SLC7A14: variants seen among roughly 807,000 people sequenced by gnomAD.
The protein encoded by SLC7A14 is solute carrier family 7 member 14.
SLC7A14 carries 37 observed loss-of-function variants against 60.2 expected under a neutral mutation model. That is an observed-to-expected ratio of 0.61 (90% confidence interval 0.47 to 0.81). The LOEUF is 0.81. Ranked by LOEUF, SLC7A14 falls within the 30% of genes least tolerant of loss-of-function variation. SLC7A14 has a pLI of 0.00. For synonymous variants in SLC7A14, 399 were observed against 395.8 expected, an observed-to-expected ratio of 1.01 and a Z score of -0.10; for missense variants, 886 against 982.7, an observed-to-expected ratio of 0.90 and a Z score of 1.32.
chr3:170,496,201 A>G (rs1435140865), intron 4 of SLC7A14: 10 of 912,786 alleles, frequency 1.1e-5, no homozygotes, highest in Non-Finnish European at 1.8e-5. Context: ...CTGGACATGG[A>G]CAGCATCATC....
At chr3:170,488,153 A>G (rs1029153215) in intron 4 of SLC7A14, among the ~76,000 whole-genome samples, 4 of 152,234 alleles carry the variant, frequency 2.6e-5, no homozygotes, top group Non-Finnish European at 5.9e-5. Flanking sequence ...CTATTCATTT[A>G]AAATCACAAT....
At chr3:170,533,083 C>T (rs1243018793) in intron 1 of SLC7A14, among the ~76,000 whole-genome samples, 1 of 152,174 alleles carries the variant, frequency 6.6e-6, no homozygotes, top group Non-Finnish European at 1.5e-5. Flanking sequence ...AACATGATCC[C>T]CTTCTGACTT....
chr3:170,539,151 G>A (rs1441850805), intron 1 of SLC7A14, among the ~76,000 whole-genome samples: 1 of 95,798 alleles, frequency 1.0e-5, no homozygotes, highest in Non-Finnish European at 2.0e-5. Flanking sequence ...CTTCATCTCC[G>A]AGTTCATCTC....
intron 1 of SLC7A14, among the ~76,000 whole-genome samples, chr3:170,538,448 C>T (rs1019367357): frequency 1.2e-4 from 19 of 152,214 alleles, no homozygotes; most frequent in African/African-American, 4.3e-4. Flanking sequence ...TCAGATAATT[C>T]CAACTAGACC....
intron 2 of SLC7A14, among the ~76,000 whole-genome samples, chr3:170,521,887 C>T (rs1050954893): frequency 6.6e-6 from 1 of 151,644 alleles, no homozygotes; most frequent in Non-Finnish European, 1.5e-5. Flanking sequence ...TGCCATTGCA[C>T]ACCAGCCTGG....
chr3:170,577,933 CACA>C (rs1250048758), intron 1 of SLC7A14, among the ~76,000 whole-genome samples: 1 of 152,170 alleles, frequency 6.6e-6, no homozygotes, highest in African/African-American at 2.4e-5. Flanking sequence ...AAACGATTTT[CACA>C]ACATGATTTT....
chr3:170,508,609 A>T (rs934712347), intron 2 of SLC7A14, among the ~76,000 whole-genome samples: 1 of 152,232 alleles, frequency 6.6e-6, no homozygotes, highest in Non-Finnish European at 1.5e-5. Context: ...TACGCTGGTG[A>T]AATTCACTAC....
intron 1 of SLC7A14, among the ~76,000 whole-genome samples, chr3:170,553,786 G>C (rs1438886584): frequency 6.6e-6 from 1 of 152,094 alleles, no homozygotes; most frequent in East Asian, 1.9e-4. Context: ...ATTGGAACTA[G>C]AGTCAACCAT....
At chr3:170,501,367 AG>A in intron 2 of SLC7A14, 22 bp from the exon 3 acceptor site, 4 of 1,602,300 alleles carry the variant, frequency 2.5e-6, no homozygotes, top group Non-Finnish European at 3.4e-6. Flanking sequence ...AGACATACAC[AG>A]ATGGTGGACT....
intron 4 of SLC7A14, 98 bp from the exon 5 acceptor site, chr3:170,486,466 C>T (rs892416774): frequency 3.4e-6 from 5 of 1,467,360 alleles, no homozygotes; most frequent in African/African-American, 1.4e-5. Context: ...GCAGACATGA[C>T]TGAGTGGCTG....
At chr3:170,528,107 AG>A (rs1713565085) in intron 1 of SLC7A14, among the ~76,000 whole-genome samples, 2 of 152,178 alleles carry the variant, frequency 1.3e-5, no homozygotes, top group East Asian at 3.8e-4. Context: ...TTTTTCACAT[AG>A]TGCAAGCATT....
chr3:170,559,103 A>G (rs1714568448), intron 1 of SLC7A14, among the ~76,000 whole-genome samples: 1 of 152,212 alleles, frequency 6.6e-6, no homozygotes, highest in Admixed American at 6.5e-5. Context: ...CCACAAAATT[A>G]TTACTTAATA....
chr3:170,497,572 C>A (rs868565446), intron 4 of SLC7A14, among the ~76,000 whole-genome samples: 1 of 152,234 alleles, frequency 6.6e-6, no homozygotes, highest in African/African-American at 2.4e-5. Context: ...GTCATCAGTT[C>A]TAGGCAGACT....
chr3:170,582,258 G>T (rs1313621854), intron 1 of SLC7A14, among the ~76,000 whole-genome samples: 3 of 152,190 alleles, frequency 2.0e-5, no homozygotes, highest in Non-Finnish European at 2.9e-5. Context: ...CCTAGTTCTT[G>T]GTTGCTGTGA....
intron 7 of SLC7A14, among the ~76,000 whole-genome samples, chr3:170,468,121 G>A (rs1270382192): frequency 6.6e-6 from 1 of 152,146 alleles, no homozygotes; most frequent in African/African-American, 2.4e-5. Context: ...GAATGAATGG[G>A]TGAGAACTCC....
At position 170,585,332 on chromosome 3, in the gene SLC7A14, C is replaced by T. The variant is rs555513481; in HGVS notation, c.-153+579G>A. Among the ~76,000 whole-genome samples the T allele has an allele frequency of 8.2e-4, 125 of 152,302 alleles. No homozygotes were observed. Among genetic ancestry groups the T allele is most frequent in the African/African-American group, 2.8e-3 (115 of 41,578 alleles). ...GGACAGACGCCCCTCGGGGCGCCAC[C>T]ATCCTGGTCGGGGTGCTGGGCTCGG... On this transcript the variant is annotated intron_variant, in intron 1 of 7. Coordinates refer to ENST00000231706, the MANE Select transcript of SLC7A14 (RefSeq NM_020949.3). This position sits in a 1 kb window ranked among gnomAD's most constrained non-coding sequence, Gnocchi z 5.1.
At chr3:170,523,613 G>A (rs900565805) in intron 2 of SLC7A14, among the ~76,000 whole-genome samples, 4 of 152,146 alleles carry the variant, frequency 2.6e-5, no homozygotes, top group African/African-American at 9.7e-5. Flanking sequence ...CTTCATTCTT[G>A]CAACTAAGCA....
intron 1 of SLC7A14, among the ~76,000 whole-genome samples, chr3:170,556,398 A>G (rs1427910305): frequency 6.6e-6 from 1 of 152,212 alleles, no homozygotes; most frequent in Non-Finnish European, 1.5e-5. Context: ...TCTTCTGTGC[A>G]AACTTGGGCA....
chr3:170,479,531 C>T (rs1039460100), intron 7 of SLC7A14, among the ~76,000 whole-genome samples: 5 of 152,044 alleles, frequency 3.3e-5, no homozygotes, highest in Admixed American at 2.6e-4. Flanking sequence ...TCTTGAAGTC[C>T]GTGAAAGTGA....
Sources: gnomAD v4.1 joint callset for allele counts (sites outside exome capture counted in the v4.1 genomes callset) on GRCh38, gnomAD v4.1.1 for gene constraint, Gnocchi (gnomAD v3.1) non-coding constraint, MANE v1.5 for transcripts, NCBI Gene and HGNC (gene_info 2026-07-23, HGNC 2026-07-21) for gene names.